The following EYS variants were observed in gnomAD, a reference collection of about 807,000 sequenced individuals.
EYS encodes protein eyes shut homolog.
A neutral mutation model predicts 282.1 loss-of-function variants in EYS; 250 were observed. The ratio of observed to expected loss-of-function variants is 0.89; its 90% CI spans 0.80 to 0.98. The LOEUF (loss-of-function observed/expected upper bound fraction) is 0.98. Ranked by LOEUF, EYS falls within the 50% of genes least tolerant of loss-of-function variation. EYS has a pLI of 0.00. For missense variants in EYS, 4,016 were observed against 3,709.0 expected (o/e 1.08, Z -2.15); for synonymous variants, 1,355 against 1,282.9 (o/e 1.06, Z -1.20).
chr6:64,008,019 C>T (rs566228601), intron 33 of EYS, among the ~76,000 whole-genome samples: 14 of 152,078 alleles, frequency 9.2e-5, no homozygotes, highest in African/African-American at 3.4e-4. Flanking sequence ...AAATTCAGGT[C>T]CTGAATATCT....
intron 29 of EYS, among the ~76,000 whole-genome samples, chr6:64,342,825 G>C (rs1052699428): frequency 6.6e-6 from 1 of 152,068 alleles, no homozygotes. Flanking sequence ...CACGTGCAGA[G>C]ACACACATAG....
intron 26 of EYS, among the ~76,000 whole-genome samples, chr6:64,462,722 C>T (rs1050886248): frequency 6.6e-6 from 1 of 151,852 alleles, no homozygotes; most frequent in African/African-American, 2.4e-5. Flanking sequence ...CTTTTTTCTC[C>T]TCCTGTCTTA....
intron 14 of EYS, among the ~76,000 whole-genome samples, chr6:64,971,509 G>C (rs1770292433): frequency 6.6e-6 from 1 of 152,132 alleles, no homozygotes; most frequent in Admixed American, 6.5e-5. Context: ...TGTAAAACAT[G>C]AAGGCCTGGA....
At chr6:64,998,336 T>C (rs2150126235) in intron 13 of EYS, among the ~76,000 whole-genome samples, 2 of 152,330 alleles carry the variant, frequency 1.3e-5, no homozygotes, top group Middle Eastern at 3.4e-3. Flanking sequence ...CAGGCACCAA[T>C]TTATAACTAC....
chr6:64,767,842 T>G (rs1337806755), intron 22 of EYS, among the ~76,000 whole-genome samples: 1 of 152,122 alleles, frequency 6.6e-6, no homozygotes, highest in Admixed American at 6.6e-5. Context: ...AAGTCGTAGT[T>G]TTTTGAGGAA....
chr6:65,377,749 C>T (rs766954493), intron 8 of EYS, among the ~76,000 whole-genome samples: 8 of 152,062 alleles, frequency 5.3e-5, no homozygotes, highest in African/African-American at 7.2e-5. Flanking sequence ...ATAAGCACCT[C>T]TATGCAAAAA....
At chr6:64,054,452 C>G (rs1372716769) in intron 33 of EYS, among the ~76,000 whole-genome samples, 2 of 151,926 alleles carry the variant, frequency 1.3e-5, no homozygotes, top group African/African-American at 4.8e-5. Flanking sequence ...AGTGGCAAGC[C>G]CATGAGACTT....
At chr6:64,390,621 T>G in intron 28 of EYS, among the ~76,000 whole-genome samples, 1 of 151,040 alleles carries the variant, frequency 6.6e-6, no homozygotes, top group African/African-American at 2.5e-5. Context: ...AAAACCCATC[T>G]GTACATCACC....
chr6:64,897,165 A>G (rs1018248483), intron 18 of EYS, among the ~76,000 whole-genome samples: 2 of 151,940 alleles, frequency 1.3e-5, no homozygotes, highest in Admixed American at 6.6e-5. Flanking sequence ...CTGGGAGACA[A>G]CTCCCAGCAG....
chr6:63,776,400 G>C (rs949371922), intron 40 of EYS, among the ~76,000 whole-genome samples: 4 of 151,972 alleles, frequency 2.6e-5, no homozygotes, highest in Non-Finnish European at 4.4e-5. Flanking sequence ...TCTGATTTTG[G>C]GTCCTGCTGT....
At chr6:64,140,631 G>A (rs1325441872) in intron 31 of EYS, among the ~76,000 whole-genome samples, 2 of 152,120 alleles carry the variant, frequency 1.3e-5, no homozygotes, top group African/African-American at 4.8e-5. Context: ...CCTGTATCAC[G>A]TCCCCTGCTA....
At chr6:64,385,867 C>G (rs1772891421) in intron 29 of EYS, among the ~76,000 whole-genome samples, 1 of 152,132 alleles carries the variant, frequency 6.6e-6, no homozygotes, top group South Asian at 2.1e-4. Flanking sequence ...GCTTCTTTTT[C>G]CATCTTTGGT....
At chr6:63,903,608 A>C (rs1175904864) in intron 35 of EYS, among the ~76,000 whole-genome samples, 5 of 152,144 alleles carry the variant, frequency 3.3e-5, no homozygotes, top group Non-Finnish European at 7.4e-5. Flanking sequence ...CCTTTACCCT[A>C]GTCCCCCTAC....
chr6:64,625,356 A>T (rs1767571618), intron 23 of EYS, among the ~76,000 whole-genome samples: 1 of 152,242 alleles, frequency 6.6e-6, no homozygotes, highest in Non-Finnish European at 1.5e-5. Context: ...TAACAAAAAT[A>T]CCATAAACTG....
At chr6:65,414,910 A>G (rs557458067) in intron 5 of EYS, among the ~76,000 whole-genome samples, 10 of 152,238 alleles carry the variant, frequency 6.6e-5, no homozygotes, top group Non-Finnish European at 1.3e-4. Context: ...TGTGCTATCA[A>G]TGTATAGAAT....
At chr6:65,677,105 G>GAAAAAA (rs58880200) in intron 1 of EYS, among the ~76,000 whole-genome samples, 26 of 107,570 alleles carry the variant, frequency 2.4e-4, no homozygotes, top group East Asian at 1.1e-3. Context: ...AGTCATTGGT[G>GAAAAAA]AAAAAAAAAA....
intron 12 of EYS, among the ~76,000 whole-genome samples, chr6:65,195,202 A>AG (rs1268056084): frequency 2.6e-5 from 4 of 152,040 alleles, no homozygotes; most frequent in African/African-American, 7.2e-5. Flanking sequence ...ACTTTTAGAA[A>AG]TTACTACATA....
At chr6:64,229,892 C>T (rs1470065203) in intron 31 of EYS, among the ~76,000 whole-genome samples, 2 of 152,162 alleles carry the variant, frequency 1.3e-5, no homozygotes, top group African/African-American at 4.8e-5. Context: ...ATCCCCATCC[C>T]TTCCTCCCTA....
At chr6:64,463,216 G>T (rs1158366763) in intron 26 of EYS, among the ~76,000 whole-genome samples, 1 of 152,086 alleles carries the variant, frequency 6.6e-6, no homozygotes, top group Non-Finnish European at 1.5e-5. Flanking sequence ...CTCCCAAAGT[G>T]CTGGGATTAC....
Sources: gnomAD v4.1 joint callset for allele counts (sites outside exome capture counted in the v4.1 genomes callset) on GRCh38, gnomAD v4.1.1 for gene constraint, MANE v1.5 for transcripts, NCBI Gene and HGNC (gene_info 2026-07-23, HGNC 2026-07-21) for gene names.